Variants in GHR observed in about 807,000 individuals in gnomAD.
GHR encodes growth hormone receptor, also known as GH receptor.
GHR carries 35 observed loss-of-function variants against 67.1 expected under a neutral mutation model. The ratio of observed to expected loss-of-function variants is 0.52; its 90% CI spans 0.40 to 0.69. The LOEUF (loss-of-function observed/expected upper bound fraction) is 0.69. GHR is among the 30% of genes least tolerant of loss of function. The pLI is 0.00. For missense variants in GHR, 792 were observed against 764.6 expected, an observed-to-expected ratio of 1.04 and a Z score of -0.42; for synonymous variants, 272 against 269.1, an observed-to-expected ratio of 1.01 and a Z score of -0.10.
intron 1 of GHR, among the ~76,000 whole-genome samples, chr5:42,537,600 T>A (rs889418527): frequency 6.6e-6 from 1 of 152,182 alleles, no homozygotes; most frequent in Admixed American, 6.5e-5. Context: ...TTGGAGAAAG[T>A]TCCATGCACT....
intron 2 of GHR, among the ~76,000 whole-genome samples, chr5:42,601,074 A>G (rs1752357317): frequency 6.6e-6 from 1 of 151,636 alleles, no homozygotes; most frequent in African/African-American, 2.4e-5. Flanking sequence ...TTACAGGCGC[A>G]TGCCACCATG....
chr5:42,512,335 G>A (rs1747052543), intron 1 of GHR, among the ~76,000 whole-genome samples: 1 of 152,100 alleles, frequency 6.6e-6, no homozygotes, highest in South Asian at 2.1e-4. Context: ...GGTGTTCAGG[G>A]AATGGTGATT....
chr5:42,676,690 T>A (rs1435263366), intron 3 of GHR, among the ~76,000 whole-genome samples: 1 of 152,118 alleles, frequency 6.6e-6, no homozygotes, highest in Admixed American at 6.5e-5. Flanking sequence ...CCAAAAGAAA[T>A]TACAGATCTC....
chr5:42,574,106 G>A lies in GHR; in HGVS notation c.70+8162G>A, dbSNP rs115328717. Reference sequence around the variant, plus strand: ...AATTTCTTCTCCTCTACATGCCACTGACCCACTGCATCCCTGGTTGGAGCA... The same window carrying A: ...AATTTCTTCTCCTCTACATGCCACTAACCCACTGCATCCCTGGTTGGAGCA... On this transcript the variant is annotated intron_variant, in intron 2 of 9. Transcript: ENST00000230882. Among the ~76,000 whole-genome samples, 442 of 152,280 alleles carry A rather than the reference G, an allele frequency of 2.9e-3. 2 individuals carry two copies. The highest frequency in any genetic ancestry group is 0.01 in the African/African-American group (432 of 41,548).
intron 1 of GHR, among the ~76,000 whole-genome samples, chr5:42,518,471 G>A (rs1467962521): frequency 6.6e-6 from 1 of 152,148 alleles, no homozygotes; most frequent in Non-Finnish European, 1.5e-5. Flanking sequence ...AATAGTACTG[G>A]TAGAGAAAAA....
chr5:42,600,897 T>G (rs2112632330), intron 2 of GHR, among the ~76,000 whole-genome samples: 1 of 150,700 alleles, frequency 6.6e-6, no homozygotes, highest in East Asian at 1.9e-4. Context: ...TGTCCAGAAA[T>G]TAAAATCTAT....
intron 1 of GHR, among the ~76,000 whole-genome samples, chr5:42,482,291 G>C (rs1431592362): frequency 6.6e-6 from 1 of 152,062 alleles, no homozygotes; most frequent in African/African-American, 2.4e-5. Flanking sequence ...GTCCACCCCT[G>C]CTGGGGGGTG....
chr5:42,455,730 C>T (rs1156798176), intron 1 of GHR, among the ~76,000 whole-genome samples: 1 of 152,128 alleles, frequency 6.6e-6, no homozygotes, highest in African/African-American at 2.4e-5. Context: ...TAAAGGACTC[C>T]AGCATAAAAC....
chr5:42,669,950 CA>C lies in GHR; in HGVS notation c.137-18937del, dbSNP rs562312991. On this transcript the variant is annotated intron_variant, in intron 3 of 9. Coordinates refer to ENST00000230882, the MANE Select transcript of GHR (RefSeq NM_000163.5). The stretch of plus-strand genomic sequence containing the variant: ...ATATTGTTAAGAGATCTATACTACC[CA>C]AAGCAATCTATAGATTCAATGCAAT... Among the ~76,000 whole-genome samples, 1,009 of 152,128 alleles carry C rather than the reference CA, an allele frequency of 6.6e-3. 6 individuals are homozygous for C. Among genetic ancestry groups the C allele is most frequent in the Non-Finnish European group, 0.011 (724 of 67,992 alleles).
chr5:42,428,507 G>T (rs1420198106), intron 1 of GHR, among the ~76,000 whole-genome samples: 2 of 152,170 alleles, frequency 1.3e-5, no homozygotes, highest in East Asian at 3.8e-4. Flanking sequence ...GCAAATTTCT[G>T]CAGCAGTCTT....
intron 2 of GHR, among the ~76,000 whole-genome samples, chr5:42,610,367 G>C (rs1347218538): frequency 6.6e-6 from 1 of 152,090 alleles, no homozygotes; most frequent in Non-Finnish European, 1.5e-5. Flanking sequence ...ACTCTAAGAA[G>C]AAAAAACAAA....
At chr5:42,532,626 T>G (rs897421429) in intron 1 of GHR, among the ~76,000 whole-genome samples, 1 of 152,174 alleles carries the variant, frequency 6.6e-6, no homozygotes, top group African/African-American at 2.4e-5. Flanking sequence ...CTTTGCCACT[T>G]TTACTACATA....
At chr5:42,551,513 G>A (rs749391133) in intron 1 of GHR, among the ~76,000 whole-genome samples, 5 of 152,210 alleles carry the variant, frequency 3.3e-5, no homozygotes, top group Non-Finnish European at 7.3e-5. Flanking sequence ...GACTCTAGGA[G>A]AAGGTACTAC....
intron 2 of GHR, among the ~76,000 whole-genome samples, chr5:42,610,947 T>C (rs1487549486): frequency 6.6e-6 from 1 of 152,146 alleles, no homozygotes; most frequent in Non-Finnish European, 1.5e-5. Flanking sequence ...CACTCTGCCA[T>C]AGGAGGCTTG....
Position 42,424,170 on chromosome 5 carries a change from T to TTGTGTGTGTG in GHR, c.-12+215_-12+216insTGTGTGTGTG. Among the ~76,000 whole-genome samples, 1 of 75,176 alleles carries TTGTGTGTGTG rather than the reference T, an allele frequency of 1.3e-5. No individual in the cohort carries two copies. The highest frequency in any genetic ancestry group is 1.2e-4 in the Admixed American group (1 of 8,034). 49.3% of individuals were successfully genotyped at this position (75,176 alleles called of 152,430 possible). A position where few individuals can be genotyped will look rare whatever the true frequency, so the allele number is the denominator to read the frequency against. The stretch of plus-strand genomic sequence containing the variant: ...GCTGGTGGGTTGTTGTAACCCAATC[T>TTGTGTGTGTG]AGTGTGTGTGTGTGTGTGTGTGTGT... On this transcript the variant is annotated intron_variant, in intron 1 of 9. Transcript: ENST00000230882. The surrounding 1 kb of genome is among the most constrained non-coding windows in gnomAD (Gnocchi z 4.1).
chr5:42,623,408 C>G (rs1283116175), intron 2 of GHR, among the ~76,000 whole-genome samples: 1 of 152,140 alleles, frequency 6.6e-6, no homozygotes, highest in Admixed American at 6.6e-5. Context: ...TGGCTAGGTT[C>G]TCCCTGATGT....
At position 42,584,233 on chromosome 5, in the gene GHR, G is replaced by C. The variant is rs960075525; in HGVS notation, c.70+18289G>C. Among the ~76,000 whole-genome samples, 3 of 152,002 alleles carry C rather than the reference G, an allele frequency of 2.0e-5. No individual in the cohort carries two copies. In the South Asian group the frequency reaches 6.2e-4, roughly 32 times the overall value. On this transcript the variant is annotated intron_variant, in intron 2 of 9. Coordinates refer to ENST00000230882, the MANE Select transcript of GHR (RefSeq NM_000163.5). The stretch of plus-strand genomic sequence containing the variant: ...AACTTGCATGGTAAATGTTATTAAG[G>C]CTCGAGGTACTAAATTTATAGCAAA...
intron 1 of GHR, among the ~76,000 whole-genome samples, chr5:42,442,720 G>C (rs1579705933): frequency 6.6e-6 from 1 of 152,166 alleles, no homozygotes; most frequent in East Asian, 1.9e-4. Flanking sequence ...TTCCTTAAGG[G>C]AGAATATTGA....
chr5:42,708,645 CAA>C (rs1758299651), intron 6 of GHR, among the ~76,000 whole-genome samples: 1 of 151,770 alleles, frequency 6.6e-6, no homozygotes, highest in Non-Finnish European at 1.5e-5. Flanking sequence ...TAGAAAAAAA[CAA>C]AGATATAAAT....
Sources: gnomAD v4.1 joint callset for allele counts (sites outside exome capture counted in the v4.1 genomes callset) on GRCh38, gnomAD v4.1.1 for gene constraint, Gnocchi (gnomAD v3.1) non-coding constraint, MANE v1.5 for transcripts, NCBI Gene and HGNC (gene_info 2026-07-23, HGNC 2026-07-21) for gene names.